Variants in ZNF28 observed in about 807,000 individuals in gnomAD.
ZNF28 encodes the protein zinc finger protein 28.
A neutral mutation model predicts 7.2 loss-of-function variants in ZNF28; 5 were observed. That is an observed-to-expected ratio of 0.70 (90% CI 0.36 to 1.46). The LOEUF (loss-of-function observed/expected upper bound fraction) is 1.46, where lower values mean the gene tolerates loss of function less well. Among genes scored for constraint, ZNF28 ranks in the 40% most tolerant of loss-of-function variants. The pLI is 0.03. For synonymous variants in ZNF28, 288 were observed against 292.4 expected, an observed-to-expected ratio of 0.99 and a Z score of 0.15; for missense variants, 879 against 866.6, an observed-to-expected ratio of 1.01 and a Z score of -0.18.
At chr19:52,809,881 G>A in intron 2 of ZNF28, 1 of 740,190 alleles carries the variant, frequency 1.4e-6, no homozygotes, top group Non-Finnish European at 2.3e-6. Flanking sequence ...GGCGGTCCGG[G>A]ATCCAGGCCG....
rs1048063455 is a variant in ZNF28, at chr19:52,799,872, C to A, written c.1973G>T (p.Ser658Ile). The A allele has an allele frequency of 3.7e-6, 6 of 1,610,012 alleles. No homozygotes were observed. The East Asian group carries it at 1.1e-4, about 30-fold the overall frequency. Residue 658 changes from serine to isoleucine, a missense_variant, in exon 4 of 4, where the codon AGT (serine) becomes ATT (isoleucine). Ser to Ile is a moderately radical substitution (Grantham distance 142). Around this residue, in one of 2 missense-constraint regions of ZNF28, gnomAD observed 864 missense variants for 830.2 expected, o/e 1.04. Transcript: ENST00000457749. ...ATTACACTTGTAAGGTTTCTCTCCA[C>A]TATGAAGCCTATGATGGTATACGAG... ...SSLVYHHRLH[S>I]GEKPYKCNEC...
At chr19:52,812,853 A>G (rs1885707896) in intron 2 of ZNF28, among the ~76,000 whole-genome samples, 1 of 151,338 alleles carries the variant, frequency 6.6e-6, no homozygotes, top group African/African-American at 2.4e-5. Flanking sequence ...CCTTTGAGGA[A>G]ATGCATCACC....
rs534731295 is a variant in ZNF28 at position 52,801,663 on chromosome 19, G to A, written c.182C>T (p.Thr61Ile). The change falls in exon 4 of 4, where the codon ACA becomes ATA. Residue 61 changes from threonine to isoleucine, a missense_variant. This residue lies in a region of ZNF28 where 864 missense variants were observed against 830.2 expected (regional missense o/e 1.04). Coordinates refer to ENST00000457749, the MANE Select transcript of ZNF28 (RefSeq NM_006969.5). Reference protein sequence around the residue: ...SKCMMKTFFSTGQGNTEAFHT... With the variant: ...SKCMMKTFFSIGQGNTEAFHT... Reference sequence around the variant, plus strand: ...GAACGCTTCTGTATTGCCTTGCCCTGTTGAGAAGAATGTCTTCATCATGCA... The same window carrying A: ...GAACGCTTCTGTATTGCCTTGCCCTATTGAGAAGAATGTCTTCATCATGCA... 1 of 1,611,392 alleles carries A rather than the reference G, an allele frequency of 6.2e-7. No individual in the cohort carries two copies. The highest frequency in any genetic ancestry group is 1.3e-5 in the African/African-American group (1 of 74,854).
At chr19:52,802,011 C>T (rs183527519) in intron 3 of ZNF28, among the ~76,000 whole-genome samples, 33 of 152,158 alleles carry the variant, frequency 2.2e-4, no homozygotes, top group Admixed American at 1.4e-3. Context: ...TTGCAAAAAA[C>T]ACATCACTAT....
chr19:52,817,867 G>C, intron 2 of ZNF28, 77 bp downstream of exon 2: 3 of 1,601,984 alleles, frequency 1.9e-6, no homozygotes, highest in Admixed American at 1.7e-5. Flanking sequence ...TTCAGACTCA[G>C]AGAAGACTCC....
rs138200021 is a variant in ZNF28 at position 52,819,398 on chromosome 19, CT to C, written c.-73-1368del. 7.5e-4 allele frequency among the ~76,000 whole-genome samples: 102 copies of C among 135,646 alleles called. 15 individuals are homozygous for C. Among genetic ancestry groups the C allele is most frequent in the African/African-American group, 2.6e-3 (87 of 33,526 alleles). 89.0% of individuals were successfully genotyped at this position (135,646 alleles called of 152,430 possible). A position where few individuals can be genotyped will look rare whatever the true frequency, so the allele number is the denominator to read the frequency against. The stretch of plus-strand genomic sequence containing the variant: ...CCACTCTCTTTCTTCCATTCTATTG[CT>C]TTTTTTTTTCATTTTTGGGGTACTG... On this transcript the variant is annotated intron_variant, in intron 1 of 3. Transcript: ENST00000457749.
At chr19:52,816,786 A>G (rs2063130165) in intron 2 of ZNF28, among the ~76,000 whole-genome samples, 1 of 151,696 alleles carries the variant, frequency 6.6e-6, no homozygotes, top group Non-Finnish European at 1.5e-5. Context: ...AGCTGAGATC[A>G]TGCCACTGCA....
In ZNF28 at chr19:52,801,720, C is replaced by T; in HGVS notation, c.143-18G>A. The T allele has an allele frequency of 6.3e-7, 1 of 1,599,312 alleles. No homozygotes were observed. The highest frequency in any genetic ancestry group is 1.3e-5 in the African/African-American group (1 of 74,382). On this transcript the variant is annotated intron_variant, in intron 3 of 3. Coordinates refer to ENST00000457749, the MANE Select transcript of ZNF28 (RefSeq NM_006969.5). ...AGAGATATCTACAAAATATAAACAC[C>T]AATAGGTTTCCAATGAAGTACAGAT...
In ZNF28 at chr19:52,804,989, C is replaced by A. The variant is rs200444053; in HGVS notation, c.142+3018G>T. On this transcript the variant is annotated intron_variant, in intron 3 of 3. Transcript: ENST00000457749. ...CATGTTTTAAAAAACTTGAGACAGG[C>A]CAGGTGCGGTGGCTCATGCCAGTAA... is the stretch of plus-strand genomic sequence containing the variant. Among the ~76,000 whole-genome samples, 14 of 152,164 alleles carry A rather than the reference C, an allele frequency of 9.2e-5. No homozygotes were observed. In the East Asian group the frequency reaches 2.1e-3, roughly 23 times the overall value.
intron 1 of ZNF28, among the ~76,000 whole-genome samples, chr19:52,819,341 T>G (rs28669963): frequency 0.6 from 85,869 of 142,400 alleles, 29,889 homozygotes; most frequent in Non-Finnish European, 0.72. Context: ...ACAGACAAAG[T>G]CCTCCGAAGA....
intron 3 of ZNF28, 64 bp from the exon 4 acceptor site, chr19:52,801,766 G>A (rs2062875306): frequency 4.2e-6 from 6 of 1,417,550 alleles, no homozygotes; most frequent in Non-Finnish European, 5.7e-6. Flanking sequence ...ACTGAAATGT[G>A]TAAATATGAC....
Position 52,799,684 on chromosome 19 carries a change from A to G in ZNF28, c.*4T>C. ...CTGAAGGTCTTGCCACACTCATTAC[A>G]CTTTCAAGGTTTCTCTCCACTATGA... On this transcript the variant is annotated 3_prime_UTR_variant, in exon 4 of 4. Transcript: ENST00000457749. The G allele has an allele frequency of 1.6e-6, 2 of 1,217,568 alleles. 1 individual carries two copies. Among genetic ancestry groups the G allele is most frequent in the Non-Finnish European group, 2.1e-6 (2 of 932,294 alleles). 75.4% of individuals were successfully genotyped at this position (1,217,568 alleles called of 1,614,324 possible).
chr19:52,798,913 T>G lies in ZNF28; in HGVS notation c.*775A>C, dbSNP rs2062828239. On this transcript the variant is annotated 3_prime_UTR_variant, in exon 4 of 4. Coordinates refer to ENST00000457749, the MANE Select transcript of ZNF28 (RefSeq NM_006969.5). ...TAAGTGGTGACTGCCCACTAAAGGC[T>G]TTGCCACACTCATTGCACTTGTAAG... The G allele has an allele frequency of 2.1e-6, 3 of 1,437,198 alleles. No homozygotes were observed. Among genetic ancestry groups the G allele is most frequent in the Middle Eastern group, 1.9e-4 (1 of 5,214 alleles). The allele number at this position is 1,437,198 out of a possible 1,614,324, so 89.0% of individuals were successfully genotyped here.
chr19:52,799,286 T>G lies in ZNF28; in HGVS notation c.*402A>C. 8.6e-6 allele frequency: 3 copies of G among 348,378 alleles called. No homozygotes were observed. The highest frequency in any genetic ancestry group is 1.1e-5 in the Non-Finnish European group (2 of 177,782). The allele number at this position is 348,378 out of a possible 1,614,324, so 21.6% of individuals were successfully genotyped here. ...CACATTTGTAAGGTTTCTCTCCAGT[T>G]TGAATTCTAATATGTTTTGCCAGGT... On this transcript the variant is annotated 3_prime_UTR_variant, in exon 4 of 4. Coordinates refer to ENST00000457749, the MANE Select transcript of ZNF28 (RefSeq NM_006969.5).
At chr19:52,804,496 A>G (rs2062912133) in intron 3 of ZNF28, among the ~76,000 whole-genome samples, 1 of 151,508 alleles carries the variant, frequency 6.6e-6, no homozygotes, top group Non-Finnish European at 1.5e-5. Context: ...TCAACCTCCC[A>G]AGTAGCTGGG....
At chr19:52,801,904 A>G (rs1467112427) in intron 3 of ZNF28, among the ~76,000 whole-genome samples, 1 of 152,198 alleles carries the variant, frequency 6.6e-6, no homozygotes, top group African/African-American at 2.4e-5. Flanking sequence ...ATGAAAGTCT[A>G]TTTCCTATAT....
chr19:52,817,901 G>C (rs2063147247), intron 2 of ZNF28, 43 bp downstream of exon 2: 1 of 1,609,144 alleles, frequency 6.2e-7, no homozygotes, highest in African/African-American at 1.3e-5. Context: ...CAGCGTTTCT[G>C]AAAGGAAGGA....
chr19:52,810,111 G>A (rs559250401), intron 2 of ZNF28: 6 of 810,630 alleles, frequency 7.4e-6, no homozygotes, highest in Middle Eastern at 3.4e-4. Flanking sequence ...CCAAGAGGAG[G>A]GGGAGGAGCC....
chr19:52,804,233 C>T (rs1212744129), intron 3 of ZNF28, among the ~76,000 whole-genome samples: 2 of 152,182 alleles, frequency 1.3e-5, no homozygotes, highest in Admixed American at 6.5e-5. Context: ...TCTTGGATTT[C>T]CCACTTTCCA....
Sources: allele counts gnomAD v4.1 joint callset (sites outside exome capture counted in the v4.1 genomes callset), GRCh38; gene constraint gnomAD v4.1.1; regional missense constraint gnomAD v4.1.1; transcripts MANE v1.5; gene names NCBI Gene and HGNC (gene_info 2026-07-23, HGNC 2026-07-21).